Variants in PEX7 observed in about 807,000 individuals in gnomAD.
PEX7 encodes the protein peroxisomal biogenesis factor 7, also known as PTS2 receptor.
In PEX7, 34 loss-of-function variants were observed where a neutral mutation model predicts 47.5. The ratio of observed to expected loss-of-function variants is 0.72; its 90% CI spans 0.54 to 0.95. PEX7 has a LOEUF of 0.95. PEX7 is among the 40% of genes least tolerant of loss of function. The pLI is 0.00. For missense variants in PEX7, 394 were observed against 400.3 expected (o/e 0.98, Z 0.13); for synonymous variants, 141 against 148.8 (o/e 0.95, Z 0.38).
In PEX7 at chr6:136,866,635, ACT is replaced by A. The variant is rs1582757650; in HGVS notation, c.538_539del (p.Leu180GlufsTer25). On this transcript the variant is annotated frameshift_variant, in exon 6 of 10. Coordinates refer to ENST00000318471, the MANE Select transcript of PEX7 (RefSeq NM_000288.4). LOFTEE classifies it high-confidence loss of function. The stretch of plus-strand genomic sequence containing the variant: ...GTCTTCCTTTTTACTAGGTGATCAG[ACT>A]CTGAGAATATGGGATGTGAAGGCAG... ...GCFASASGDQ[T>X]LRIWDVKAAG... 1 of 1,613,812 alleles carries A rather than the reference ACT, an allele frequency of 6.2e-7. No individual in the cohort carries two copies. Among genetic ancestry groups the A allele is most frequent in the Non-Finnish European group, 8.5e-7 (1 of 1,179,796 alleles).
rs776873150 is a variant in PEX7 at position 136,913,551 on chromosome 6, G to A, written c.*25G>A. On this transcript the variant is annotated 3_prime_UTR_variant, in exon 10 of 10. Coordinates refer to ENST00000318471, the MANE Select transcript of PEX7 (RefSeq NM_000288.4). ...AGATACACTACTTTGGTCAGAAACA[G>A]AGGATGTTGGCTGAAGAACTGCCTA... is the stretch of plus-strand genomic sequence containing the variant. 1.3e-6 allele frequency: 2 copies of A among 1,491,492 alleles called. No individual in the cohort carries two copies. The highest frequency in any genetic ancestry group is 1.1e-5 in the South Asian group (1 of 88,720). The allele number at this position is 1,491,492 out of a possible 1,614,324, so 92.4% of individuals were successfully genotyped here.
chr6:136,850,333 T>C (rs1436652434), intron 5 of PEX7, among the ~76,000 whole-genome samples: 1 of 152,184 alleles, frequency 6.6e-6, no homozygotes, highest in African/African-American at 2.4e-5. Context: ...CTGTGTCTTT[T>C]AATTGGAGCA....
At chr6:136,875,660 T>A (rs1156792609) in intron 8 of PEX7, among the ~76,000 whole-genome samples, 3 of 152,222 alleles carry the variant, frequency 2.0e-5, no homozygotes, top group African/African-American at 7.2e-5. Context: ...TATATAATCA[T>A]AAGCTTACAA....
intron 8 of PEX7, among the ~76,000 whole-genome samples, chr6:136,881,621 T>G (rs1169415170): frequency 6.6e-6 from 1 of 152,242 alleles, no homozygotes; most frequent in Non-Finnish European, 1.5e-5. Flanking sequence ...TCCTAGTGAC[T>G]GACCACTCCC....
Position 136,895,473 on chromosome 6 carries a change from T to G in PEX7, c.804-2669T>G, listed in dbSNP as rs546612404. Among the ~76,000 whole-genome samples, 285 of 152,352 alleles carry G rather than the reference T, an allele frequency of 1.9e-3. 1 individual carries two copies. The highest frequency in any genetic ancestry group is 3.1e-3 in the Non-Finnish European group (214 of 68,028). On this transcript the variant is annotated intron_variant, in intron 8 of 9. Coordinates refer to ENST00000318471, the MANE Select transcript of PEX7 (RefSeq NM_000288.4). ...CCCTTGAGGTGAAGAAATCTGAAGC[T>G]TAGGTTGTCTCTGTTTAGTAAATCC...
intron 3 of PEX7, among the ~76,000 whole-genome samples, chr6:136,832,520 C>T (rs903432767): frequency 3.3e-5 from 5 of 152,162 alleles, no homozygotes; most frequent in South Asian, 2.1e-4. Flanking sequence ...TTTGAATTTC[C>T]CCCCAAGAAA....
intron 1 of PEX7, among the ~76,000 whole-genome samples, chr6:136,823,697 C>T (rs1236382401): frequency 6.6e-6 from 1 of 152,188 alleles, no homozygotes; most frequent in African/African-American, 2.4e-5. Flanking sequence ...TCCAGACCAG[C>T]CTGACCAACA....
At position 136,822,594 on chromosome 6, in the gene PEX7, C is replaced by T; in HGVS notation, c.-72C>T. The stretch of plus-strand genomic sequence containing the variant: ...CGTCCGGTCTGCCTGGTCTCTCTAA[C>T]CGCGCCAGTGTGCCTCCGACTCGGA... On this transcript the variant is annotated 5_prime_UTR_variant, in exon 1 of 10. Transcript: ENST00000318471. The T allele has an allele frequency of 2.2e-6, 3 of 1,392,416 alleles. No individual in the cohort carries two copies. In the South Asian group the frequency reaches 3.7e-5, roughly 17 times the overall value. 86.3% of individuals were successfully genotyped at this position (1,392,416 alleles called of 1,614,324 possible). A position where few individuals can be genotyped will look rare whatever the true frequency, so the allele number is the denominator to read the frequency against.
chr6:136,911,302 G>C (rs1407785091), intron 9 of PEX7, among the ~76,000 whole-genome samples: 1 of 152,120 alleles, frequency 6.6e-6, no homozygotes, highest in Non-Finnish European at 1.5e-5. Flanking sequence ...CTTCACCCGT[G>C]GTACTGAGCC....
intron 5 of PEX7, among the ~76,000 whole-genome samples, chr6:136,852,081 C>A (rs1257561211): frequency 2.0e-5 from 2 of 97,806 alleles, no homozygotes; most frequent in African/African-American, 4.7e-5. Flanking sequence ...TTGCCCACGC[C>A]TGTGTCCTGA....
At chr6:136,830,380 A>G in intron 3 of PEX7, 1 of 213,620 alleles carries the variant, frequency 4.7e-6, no homozygotes, top group Non-Finnish European at 9.2e-6. Flanking sequence ...AAGTTGTCAG[A>G]TGAAGCAAAA....
chr6:136,889,067 T>C (rs886750737), intron 8 of PEX7, among the ~76,000 whole-genome samples: 2 of 152,312 alleles, frequency 1.3e-5, no homozygotes, highest in Non-Finnish European at 2.9e-5. Context: ...AAGCTTCATA[T>C]ATCTTTGGGT....
intron 9 of PEX7, among the ~76,000 whole-genome samples, chr6:136,903,642 C>A (rs947213044): frequency 6.6e-6 from 1 of 151,468 alleles, no homozygotes; most frequent in Non-Finnish European, 1.5e-5. Flanking sequence ...TAAACTAGTT[C>A]TTTAGATATA....
intron 5 of PEX7, among the ~76,000 whole-genome samples, chr6:136,846,534 C>T (rs1189618057): frequency 1.3e-5 from 2 of 152,032 alleles, no homozygotes. Context: ...TGATGTTCCC[C>T]ATCCTGTGTC....
At chr6:136,874,513 A>G (rs1411829137) in intron 8 of PEX7, among the ~76,000 whole-genome samples, 1 of 151,932 alleles carries the variant, frequency 6.6e-6, no homozygotes, top group Non-Finnish European at 1.5e-5. Flanking sequence ...CTCTACTAAA[A>G]ATAGAAAAAT....
chr6:136,832,114 T>A (rs1774305131), intron 3 of PEX7, among the ~76,000 whole-genome samples: 1 of 152,288 alleles, frequency 6.6e-6, no homozygotes, highest in Non-Finnish European at 1.5e-5. Flanking sequence ...TGCCTGGACA[T>A]TCAGGTGTTT....
chr6:136,905,117 C>T (rs1296301659), intron 9 of PEX7, among the ~76,000 whole-genome samples: 1 of 152,112 alleles, frequency 6.6e-6, no homozygotes, highest in Non-Finnish European at 1.5e-5. Context: ...GGACGTTTGA[C>T]CTTATGTTCT....
intron 5 of PEX7, among the ~76,000 whole-genome samples, chr6:136,866,000 C>T (rs6420758): frequency 0.64 from 97,211 of 151,882 alleles, 31,242 homozygotes; most frequent in African/African-American, 0.7. Flanking sequence ...GGAGAATCAC[C>T]TGAACCTGGG....
intron 1 of PEX7, among the ~76,000 whole-genome samples, chr6:136,824,278 G>A (rs941162669): frequency 2.0e-5 from 3 of 152,140 alleles, no homozygotes; most frequent in African/African-American, 2.4e-5. Context: ...ACAGCTCACC[G>A]TAGCCTCCAC....
Sources: allele counts gnomAD v4.1 joint callset (sites outside exome capture counted in the v4.1 genomes callset), GRCh38; gene constraint gnomAD v4.1.1; transcripts MANE v1.5; gene names NCBI Gene and HGNC (gene_info 2026-07-23, HGNC 2026-07-21).